The following FAAH2 variants were observed in gnomAD, a reference collection of about 807,000 sequenced individuals.
FAAH2 encodes the protein fatty-acid amide hydrolase 2.
A neutral mutation model predicts 36.9 loss-of-function variants in FAAH2; 60 were observed. The ratio of observed to expected loss-of-function variants is 1.63; its 90% CI spans 1.32 to 2.02. The LOEUF (loss-of-function observed/expected upper bound fraction) is 2.02, where lower values mean the gene tolerates loss of function less well. Among genes scored for constraint, FAAH2 ranks in the 30% most tolerant of loss-of-function variants. FAAH2 has a pLI of 0.00. For synonymous variants in FAAH2, 214 were observed against 143.8 expected (o/e 1.49, Z -3.49); for missense variants, 689 against 397.5 (o/e 1.73, Z -6.23).
At chrX:57,265,323 C>T in the FAAH2 span, among the ~76,000 whole-genome samples, 1 of 111,668 alleles carries the variant, frequency 9.0e-6, no homozygotes, top group Admixed American at 9.5e-5. Context: ...ATCCAGGGGG[C>T]CAAGCTGCAA....
the FAAH2 span, among the ~76,000 whole-genome samples, chrX:57,210,379 T>C: frequency 1.8e-5 from 2 of 112,069 alleles, no homozygotes; most frequent in African/African-American, 6.5e-5. Flanking sequence ...ACTCAACAAA[T>C]GATTAGCAAG....
intron 10 of FAAH2, among the ~76,000 whole-genome samples, chrX:57,464,890 C>G (rs763365081): frequency 5.4e-5 from 6 of 110,921 alleles, no homozygotes; most frequent in Non-Finnish European, 1.1e-4. Context: ...AAAACAAAAT[C>G]AGGCAATAGA....
At chrX:57,287,759 T>C (rs1203295744) in intron 1 of FAAH2, among the ~76,000 whole-genome samples, 1 of 111,774 alleles carries the variant, frequency 8.9e-6, no homozygotes, top group Admixed American at 9.5e-5. Flanking sequence ...AGTCTAGTAT[T>C]GTTTATTTAT....
chrX:57,429,735 T>C (rs2056249947), intron 7 of FAAH2, among the ~76,000 whole-genome samples: 1 of 112,283 alleles, frequency 8.9e-6, no homozygotes, highest in South Asian at 3.7e-4. Context: ...CTCATGTGTT[T>C]ATACCAGCAT....
chrX:57,251,629 AC>A, the FAAH2 span, among the ~76,000 whole-genome samples: 19 of 112,235 alleles, frequency 1.7e-4, no homozygotes, highest in African/African-American at 6.2e-4. Context: ...GTTAAAACTA[AC>A]AAATTCCATG....
At chrX:57,347,507 T>C (rs1034206543) in intron 5 of FAAH2, among the ~76,000 whole-genome samples, 1 of 110,854 alleles carries the variant, frequency 9.0e-6, no homozygotes, top group Non-Finnish European at 1.9e-5. Context: ...GTTTCAACTT[T>C]CTCCTGAATC....
chrX:57,329,090 G>A (rs913150464), intron 3 of FAAH2, among the ~76,000 whole-genome samples: 47 of 112,136 alleles, frequency 4.2e-4, no homozygotes, highest in Admixed American at 9.5e-4. Context: ...ACTGCAGTAT[G>A]TATGGGTTTA....
At chrX:57,273,989 A>T in the FAAH2 span, among the ~76,000 whole-genome samples, 1 of 111,317 alleles carries the variant, frequency 9.0e-6, no homozygotes, top group African/African-American at 3.3e-5. Context: ...TTTTAGAAAA[A>T]TCAACAAAAT....
intron 7 of FAAH2, among the ~76,000 whole-genome samples, chrX:57,415,685 G>C (rs2055823935): frequency 9.0e-6 from 1 of 111,581 alleles, no homozygotes; most frequent in Non-Finnish European, 1.9e-5. Context: ...GTGGTGTTGA[G>C]AATAATGTAT....
intron 7 of FAAH2, among the ~76,000 whole-genome samples, chrX:57,423,484 G>T (rs1029124699): frequency 1.8e-5 from 2 of 111,608 alleles, no homozygotes; most frequent in Non-Finnish European, 3.8e-5. Context: ...TTTGTGTCTC[G>T]TCTGGCTGTT....
chrX:57,416,928 C>G (rs2055861731), intron 7 of FAAH2, among the ~76,000 whole-genome samples: 1 of 111,802 alleles, frequency 8.9e-6, no homozygotes, highest in African/African-American at 3.3e-5. Flanking sequence ...TGTTTGCTTT[C>G]TTCATTCTTT....
At chrX:57,403,470 G>A (rs6612800) in intron 7 of FAAH2, among the ~76,000 whole-genome samples, 60,479 of 111,808 alleles carry the variant, frequency 0.54, 14,204 homozygotes, top group Non-Finnish European at 0.74. Context: ...GCGAGTTCTA[G>A]AGCTGGGCTG....
At chrX:57,279,330 T>G in the FAAH2 span, among the ~76,000 whole-genome samples, 6 of 112,279 alleles carry the variant, frequency 5.3e-5, no homozygotes, top group Non-Finnish European at 9.4e-5. Flanking sequence ...GAAACCATAA[T>G]TCTCAGCAAA....
chrX:57,275,472 GCCAAATTGTAAAGA>G, the FAAH2 span, among the ~76,000 whole-genome samples: 1 of 111,905 alleles, frequency 8.9e-6, no homozygotes, highest in African/African-American at 3.3e-5. Flanking sequence ...GCAAAAACAC[GCCAAATTGTAAAGA>G]CCATCGATGC....
intron 7 of FAAH2, among the ~76,000 whole-genome samples, chrX:57,412,863 C>T (rs1027666597): frequency 8.9e-6 from 1 of 112,122 alleles, no homozygotes; most frequent in South Asian, 3.7e-4. Context: ...GTTCCTATTT[C>T]TCCACACCCT....
chrX:57,443,111 A>G (rs776276120), intron 8 of FAAH2, among the ~76,000 whole-genome samples: 16 of 111,517 alleles, frequency 1.4e-4, no homozygotes, highest in African/African-American at 4.6e-4. Flanking sequence ...TTCTCGAGGA[A>G]TATCTTTGCA....
chrX:57,488,696 G>A (rs1467261612), intron 10 of FAAH2, 61 bp from the exon 11 acceptor site: 23 of 1,098,061 alleles, frequency 2.1e-5, no homozygotes, highest in Non-Finnish European at 2.6e-5. Context: ...TAAAATAATT[G>A]AAAAAATACG....
intron 5 of FAAH2, among the ~76,000 whole-genome samples, chrX:57,349,891 CA>C (rs1319714058): frequency 2.7e-5 from 3 of 110,250 alleles, no homozygotes; most frequent in Non-Finnish European, 5.7e-5. Flanking sequence ...TTTAGACATC[CA>C]AACACAAGAG....
chrX:57,386,905 T>A (rs1448624130), intron 7 of FAAH2, among the ~76,000 whole-genome samples: 2 of 111,965 alleles, frequency 1.8e-5, no homozygotes, highest in Admixed American at 1.9e-4. Context: ...AAATAATAGT[T>A]TAAAATAGTC....
Sources: gnomAD v4.1 joint callset for allele counts (sites outside exome capture counted in the v4.1 genomes callset) on GRCh38, gnomAD v4.1.1 for gene constraint, MANE v1.5 for transcripts, NCBI Gene and HGNC (gene_info 2026-07-23, HGNC 2026-07-21) for gene names.